The following CCAR1 variants were observed in gnomAD, a reference collection of about 807,000 sequenced individuals.
The protein encoded by CCAR1 is cell division cycle and apoptosis regulator 1, also known as cell division cycle and apoptosis regulator protein 1.
In CCAR1, 78 loss-of-function variants were observed where a neutral mutation model predicts 163.8. That is an observed-to-expected ratio of 0.48 (90% CI 0.40 to 0.57). The LOEUF (loss-of-function observed/expected upper bound fraction) is 0.57. Among genes scored for constraint, CCAR1 ranks in the 20% least tolerant of loss-of-function variants. CCAR1 has a pLI of 0.00. For synonymous variants in CCAR1, 443 were observed against 460.7 expected, an observed-to-expected ratio of 0.96 and a Z score of 0.49; for missense variants, 1,019 against 1,365.2, an observed-to-expected ratio of 0.75 and a Z score of 4.00.
At chr10:68,785,604 G>C (rs2056787282) in intron 19 of CCAR1, among the ~76,000 whole-genome samples, 1 of 152,160 alleles carries the variant, frequency 6.6e-6, no homozygotes, top group South Asian at 2.1e-4. Context: ...GGGTGGTCTT[G>C]AACCAGAGCC....
At chr10:68,739,773 A>G (rs945261521) in intron 4 of CCAR1, among the ~76,000 whole-genome samples, 2 of 152,158 alleles carry the variant, frequency 1.3e-5, no homozygotes, top group Non-Finnish European at 2.9e-5. Flanking sequence ...AAATGGCACT[A>G]CTCAACTGTT....
intron 10 of CCAR1, among the ~76,000 whole-genome samples, chr10:68,752,674 C>T (rs2056346646): frequency 6.6e-6 from 1 of 152,096 alleles, no homozygotes; most frequent in African/African-American, 2.4e-5. Flanking sequence ...AGTTTGAGAC[C>T]AGCCTAGGCA....
intron 15 of CCAR1, among the ~76,000 whole-genome samples, chr10:68,757,988 G>A (rs1207876997): frequency 2.6e-5 from 4 of 151,854 alleles, no homozygotes; most frequent in African/African-American, 9.7e-5. Context: ...TGATTCACCC[G>A]CCTTGGCATC....
Position 68,756,674 on chromosome 10 carries a change from C to CT in CCAR1, c.1836+194dup. 2.9e-6 allele frequency: 2 copies of CT among 680,286 alleles called. No homozygotes were observed. The highest frequency in any genetic ancestry group is 3.0e-5 in the South Asian group (2 of 66,202). The allele number at this position is 680,286 out of a possible 1,614,324, so 42.1% of individuals were successfully genotyped here. On this transcript the variant is annotated intron_variant, in intron 14 of 24. Coordinates refer to ENST00000265872, the MANE Select transcript of CCAR1 (RefSeq NM_018237.4). This position sits in a 1 kb window ranked among gnomAD's most constrained non-coding sequence, Gnocchi z 5.1. ...TAAAATTTCTGTCTTATTATCCTAA[C>CT]TTTAAGAGTGCTGAGACCTCAAAGG...
intron 16 of CCAR1, among the ~76,000 whole-genome samples, chr10:68,765,407 T>C (rs1341160831): frequency 6.6e-6 from 1 of 152,220 alleles, no homozygotes; most frequent in East Asian, 1.9e-4. Context: ...TTTGGACACA[T>C]TCATCAGTAA....
chr10:68,751,905 T>C (rs560052124), intron 10 of CCAR1, among the ~76,000 whole-genome samples: 1 of 147,250 alleles, frequency 6.8e-6, no homozygotes, highest in South Asian at 2.1e-4. Flanking sequence ...CTTCACAGTT[T>C]AGTTTTTTGT....
chr10:68,722,916 C>T (rs760136997), intron 2 of CCAR1, among the ~76,000 whole-genome samples: 2 of 151,546 alleles, frequency 1.3e-5, no homozygotes, highest in African/African-American at 4.8e-5. Context: ...AGAGATACTC[C>T]GTCTCAAAAA....
rs982619793 is a variant in CCAR1 at position 68,741,766 on chromosome 10, T to G, written c.325-610T>G. ...AGTGATTGCTTCATGTTTAGGGAACTGCATAGCTGAGGAGCAGGGATAGGA... is the reference window on the plus strand; with the variant it reads ...AGTGATTGCTTCATGTTTAGGGAACGGCATAGCTGAGGAGCAGGGATAGGA... On this transcript the variant is annotated intron_variant, in intron 5 of 24. Transcript: ENST00000265872. 3.2e-4 allele frequency among the ~76,000 whole-genome samples: 49 copies of G among 152,224 alleles called. 1 individual carries two copies. Among genetic ancestry groups the G allele is most frequent in the African/African-American group, 1.1e-3 (47 of 41,464 alleles).
At chr10:68,767,334 C>G (rs2056548363) in intron 17 of CCAR1, among the ~76,000 whole-genome samples, 1 of 152,118 alleles carries the variant, frequency 6.6e-6, no homozygotes, top group South Asian at 2.1e-4. Flanking sequence ...ATGGCACAAT[C>G]TGAGCTCACT....
chr10:68,768,483 C>T (rs986599780), intron 17 of CCAR1, among the ~76,000 whole-genome samples: 3 of 151,828 alleles, frequency 2.0e-5, no homozygotes, highest in African/African-American at 7.3e-5. Context: ...AGGTGATAGG[C>T]GCCTGTAATC....
At chr10:68,745,228 G>A (rs1387778011) in intron 6 of CCAR1, among the ~76,000 whole-genome samples, 3 of 152,096 alleles carry the variant, frequency 2.0e-5, no homozygotes, top group Non-Finnish European at 4.4e-5. Context: ...GGCTGGTCTC[G>A]AACTGCTGAC....
chr10:68,722,644 G>C (rs1003765571), intron 2 of CCAR1, 67 bp downstream of exon 2: 16 of 1,251,992 alleles, frequency 1.3e-5, no homozygotes, highest in Non-Finnish European at 1.9e-5. Context: ...GTGAATTAGG[G>C]CCGGGGGTGG....
chr10:68,783,890 G>A (rs1190807545), intron 19 of CCAR1, among the ~76,000 whole-genome samples: 1 of 151,764 alleles, frequency 6.6e-6, no homozygotes, highest in East Asian at 2.0e-4. Context: ...GAGTAGTTGG[G>A]ACTACAGGCG....
At chr10:68,790,622 A>G (rs925560366) in intron 24 of CCAR1, among the ~76,000 whole-genome samples, 2 of 151,704 alleles carry the variant, frequency 1.3e-5, no homozygotes, top group Non-Finnish European at 2.9e-5. Context: ...TCTGCCTCCT[A>G]GGCTCACGTG....
chr10:68,722,125 A>C (rs1329667946), intron 1 of CCAR1, among the ~76,000 whole-genome samples: 2 of 152,162 alleles, frequency 1.3e-5, no homozygotes, highest in Non-Finnish European at 2.9e-5. Flanking sequence ...GTGAATATAA[A>C]GTTGTGAACT....
In CCAR1 at chr10:68,761,829, T is replaced by G. The variant is rs561112367; in HGVS notation, c.2106+637T>G. On this transcript the variant is annotated intron_variant, in intron 16 of 24. Coordinates refer to ENST00000265872, the MANE Select transcript of CCAR1 (RefSeq NM_018237.4). The stretch of plus-strand genomic sequence containing the variant: ...GTTGGTCAGGCTGGTCTCGAACTCC[T>G]GACCTCAGGTGATCCGCTTACCTCA... Among the ~76,000 whole-genome samples the G allele has an allele frequency of 4.0e-5, 6 of 151,606 alleles. 1 individual carries two copies. The highest frequency in any genetic ancestry group is 1.5e-4 in the African/African-American group (6 of 41,352).
chr10:68,751,422 C>T (rs994791119), intron 10 of CCAR1, among the ~76,000 whole-genome samples: 1 of 152,130 alleles, frequency 6.6e-6, no homozygotes, highest in Non-Finnish European at 1.5e-5. Flanking sequence ...AGAAACCAGT[C>T]GAAACCAAAA....
At position 68,753,912 on chromosome 10, in the gene CCAR1, C is replaced by T. The variant is rs1322161125; in HGVS notation, c.1179C>T (p.Asp393=). ...ATCAAAATTTGTATATACCTAGTGACTTTTTTGATGCTCAATTTACATGGG... is the reference window on the plus strand; with the variant it reads ...ATCAAAATTTGTATATACCTAGTGATTTTTTTGATGCTCAATTTACATGGG... The part of the protein sequence containing the change: ...RRYQNLYIPS[D]FFDAQFTWVD... The change falls in exon 11 of 25, where the codon GAC becomes GAT. Residue 393 remains aspartate, a synonymous_variant. Transcript: ENST00000265872. 2 of 1,613,926 alleles carry T rather than the reference C, an allele frequency of 1.2e-6. No individual in the cohort carries two copies. The highest frequency in any genetic ancestry group is 2.7e-5 in the African/African-American group (2 of 74,916).
chr10:68,740,391 C>T (rs954056691), intron 4 of CCAR1, among the ~76,000 whole-genome samples: 1 of 152,120 alleles, frequency 6.6e-6, no homozygotes, highest in African/African-American at 2.4e-5. Context: ...GATAACTGGG[C>T]TGGGTGCAGT....
Sources: allele counts gnomAD v4.1 joint callset (sites outside exome capture counted in the v4.1 genomes callset), GRCh38; gene constraint gnomAD v4.1.1; non-coding constraint Gnocchi (gnomAD v3.1); transcripts MANE v1.5; gene names NCBI Gene and HGNC (gene_info 2026-07-23, HGNC 2026-07-21).